Variants in MDGA2 observed in about 807,000 individuals in gnomAD.
MDGA2 encodes MAM domain-containing glycosylphosphatidylinositol anchor protein 2.
A neutral mutation model predicts 117.8 loss-of-function variants in MDGA2; 40 were observed. The ratio of observed to expected loss-of-function variants is 0.34; its 90% CI spans 0.26 to 0.44. The LOEUF (loss-of-function observed/expected upper bound fraction) is 0.44, where lower values mean the gene tolerates loss of function less well. Among genes scored for constraint, MDGA2 ranks in the 20% least tolerant of loss-of-function variants. MDGA2 has a pLI of 1.00. For synonymous variants in MDGA2, 452 were observed against 439.0 expected (o/e 1.03, Z -0.37); for missense variants, 1,123 against 1,250.6 (o/e 0.90, Z 1.54).
intron 3 of MDGA2, among the ~76,000 whole-genome samples, chr14:47,177,152 C>A (rs1362587691): frequency 3.3e-5 from 5 of 152,176 alleles, no homozygotes; most frequent in Admixed American, 2.0e-4. Context: ...CAGGAAACAA[C>A]AGGTGCTAGA....
At chr14:47,250,049 C>T (rs1407787924) in intron 2 of MDGA2, among the ~76,000 whole-genome samples, 3 of 152,150 alleles carry the variant, frequency 2.0e-5, no homozygotes, top group African/African-American at 4.8e-5. Context: ...GGTAGAGACA[C>T]AAGATTATGA....
intron 8 of MDGA2, among the ~76,000 whole-genome samples, chr14:47,002,148 A>G (rs947475011): frequency 4.6e-5 from 7 of 152,084 alleles, no homozygotes; most frequent in Admixed American, 3.9e-4. Context: ...AAAAATAATA[A>G]TTATAAAACA....
At chr14:47,339,344 A>G (rs980671247) in intron 1 of MDGA2, among the ~76,000 whole-genome samples, 3 of 152,184 alleles carry the variant, frequency 2.0e-5, no homozygotes, top group Non-Finnish European at 4.4e-5. Flanking sequence ...AAGTTTAAAA[A>G]TAGTATTCTG....
chr14:47,302,585 G>A (rs914167151), intron 1 of MDGA2, among the ~76,000 whole-genome samples: 14 of 151,882 alleles, frequency 9.2e-5, no homozygotes, highest in Admixed American at 5.2e-4. Context: ...AAAAATTAAC[G>A]CCAGTGCCAG....
intron 1 of MDGA2, among the ~76,000 whole-genome samples, chr14:47,463,409 T>C (rs181986100): frequency 5.9e-5 from 9 of 152,136 alleles, no homozygotes; most frequent in East Asian, 1.9e-4. Context: ...ATACAAAAAA[T>C]AAAATAGCAA....
At chr14:47,575,564 A>G (rs1422483881) in intron 1 of MDGA2, among the ~76,000 whole-genome samples, 1 of 152,184 alleles carries the variant, frequency 6.6e-6, no homozygotes, top group Non-Finnish European at 1.5e-5. Flanking sequence ...TTTCCAGGCA[A>G]AAATTACTTT....
At chr14:47,137,598 G>A (rs1054576640) in intron 4 of MDGA2, among the ~76,000 whole-genome samples, 1 of 152,166 alleles carries the variant, frequency 6.6e-6, no homozygotes, top group South Asian at 2.1e-4. Flanking sequence ...GCAGCATGAA[G>A]CCCTCACCAG....
At chr14:47,223,697 T>C (rs939780008) in intron 2 of MDGA2, among the ~76,000 whole-genome samples, 1 of 152,116 alleles carries the variant, frequency 6.6e-6, no homozygotes, top group Non-Finnish European at 1.5e-5. Context: ...GTGAATAAAA[T>C]ACATCCAGAT....
chr14:47,463,773 T>C (rs901624963), intron 1 of MDGA2, among the ~76,000 whole-genome samples: 36 of 152,284 alleles, frequency 2.4e-4, no homozygotes, highest in African/African-American at 8.2e-4. Flanking sequence ...GCACCTTTCA[T>C]CTCATTTAAT....
At chr14:47,085,102 A>C (rs1370553532) in intron 6 of MDGA2, among the ~76,000 whole-genome samples, 1 of 152,208 alleles carries the variant, frequency 6.6e-6, no homozygotes, top group Non-Finnish European at 1.5e-5. Context: ...AAAGTATTTC[A>C]AACTGAATAA....
chr14:47,587,252 G>A (rs1374210713), intron 1 of MDGA2, among the ~76,000 whole-genome samples: 1 of 151,496 alleles, frequency 6.6e-6, no homozygotes, highest in African/African-American at 2.4e-5. Flanking sequence ...CATTTCACAA[G>A]TTTACCTACG....
At chr14:47,354,889 G>T (rs1470397255) in intron 1 of MDGA2, among the ~76,000 whole-genome samples, 5 of 152,052 alleles carry the variant, frequency 3.3e-5, no homozygotes, top group Non-Finnish European at 1.5e-5. Flanking sequence ...AAGGTCTTTA[G>T]GTGTGTGTGG....
Position 47,132,176 on chromosome 14 carries a change from G to A in MDGA2, c.793-330C>T, listed in dbSNP as rs112255566. Among the ~76,000 whole-genome samples the A allele has an allele frequency of 1.0e-3, 154 of 151,970 alleles. 2 individuals carry two copies. Among genetic ancestry groups the A allele is most frequent in the African/African-American group, 3.5e-3 (147 of 41,534 alleles). ...TGGTGGTAGTTATGCAAATTATTAT[G>A]CAAAGATCAGAGCAGTGTACTTAAT... On this transcript the variant is annotated intron_variant, in intron 4 of 16. Transcript: ENST00000399232.
intron 1 of MDGA2, among the ~76,000 whole-genome samples, chr14:47,342,172 C>A (rs1338542199): frequency 6.6e-6 from 1 of 151,452 alleles, no homozygotes; most frequent in Non-Finnish European, 1.5e-5. Context: ...CATTCATAAG[C>A]TAGGCCTATG....
chr14:47,494,178 G>A (rs145318409), intron 1 of MDGA2, among the ~76,000 whole-genome samples: 1 of 152,126 alleles, frequency 6.6e-6, no homozygotes, highest in Non-Finnish European at 1.5e-5. Context: ...TGAACTGTGT[G>A]AATCAATTAA....
chr14:47,309,029 C>A (rs115133738), intron 1 of MDGA2, among the ~76,000 whole-genome samples: 3,108 of 152,196 alleles, frequency 0.02, 82 homozygotes, highest in East Asian at 0.12. Flanking sequence ...TATCCCACTG[C>A]CATACTCCCT....
intron 3 of MDGA2, among the ~76,000 whole-genome samples, chr14:47,157,282 T>C (rs7154126): frequency 0.2 from 30,705 of 152,158 alleles, 3,294 homozygotes; most frequent in Non-Finnish European, 0.21. Flanking sequence ...TCTAAGAATG[T>C]GGCTATCTAT....
At chr14:47,391,201 G>A (rs1891886373) in intron 1 of MDGA2, among the ~76,000 whole-genome samples, 1 of 152,140 alleles carries the variant, frequency 6.6e-6, no homozygotes, top group South Asian at 2.1e-4. Flanking sequence ...TCCTTTCAGT[G>A]CAAACTCTGC....
intron 5 of MDGA2, among the ~76,000 whole-genome samples, chr14:47,112,245 GTTATT>G (rs767332618): frequency 2.3e-4 from 35 of 152,296 alleles, no homozygotes; most frequent in African/African-American, 4.3e-4. Flanking sequence ...TAAAAAATGT[GTTATT>G]TTATTTTAAG....
Sources: allele counts gnomAD v4.1 joint callset (sites outside exome capture counted in the v4.1 genomes callset), GRCh38; gene constraint gnomAD v4.1.1; transcripts MANE v1.5; gene names NCBI Gene and HGNC (gene_info 2026-07-23, HGNC 2026-07-21).